Variants in ADAM12 observed in about 807,000 individuals in gnomAD.
ADAM12 encodes the protein ADAM metallopeptidase domain 12.
ADAM12 carries 70 observed loss-of-function variants against 106.4 expected under a neutral mutation model. The observed-to-expected ratio is 0.66, with a 90% CI of 0.54 to 0.80. ADAM12 has a LOEUF of 0.80. ADAM12 is among the 30% of genes least tolerant of loss of function. The probability of loss-of-function intolerance (pLI) is 0.00; values close to 1 mark genes in which losing one functional copy is unlikely to be tolerated. For missense variants in ADAM12, 1,010 were observed against 1,171.9 expected (o/e 0.86, Z 2.02); for synonymous variants, 420 against 433.5 (o/e 0.97, Z 0.39).
chr10:126,284,325 T>A, intron 2 of ADAM12, among the ~76,000 whole-genome samples: 1 of 92,098 alleles, frequency 1.1e-5, no homozygotes. Flanking sequence ...AGAGCAAGAC[T>A]CCATCTCAAA....
chr10:126,067,064 C>T (rs1954886370), intron 12 of ADAM12: 2 of 452,120 alleles, frequency 4.4e-6, no homozygotes, highest in Non-Finnish European at 8.2e-6. Context: ...GTAACATAGG[C>T]TGGCCGGCTG....
intron 3 of ADAM12, among the ~76,000 whole-genome samples, chr10:126,215,367 C>G (rs1337556038): frequency 6.6e-6 from 1 of 152,164 alleles, no homozygotes; most frequent in African/African-American, 2.4e-5. Context: ...CTCTGGCTGC[C>G]CTTCCATAAC....
intron 3 of ADAM12, among the ~76,000 whole-genome samples, chr10:126,211,084 G>A (rs1957892737): frequency 6.6e-6 from 1 of 152,108 alleles, no homozygotes; most frequent in Non-Finnish European, 1.5e-5. Context: ...TCTGTTTGGG[G>A]CTGTGGCATT....
chr10:126,264,368 C>T (rs1345372870), intron 3 of ADAM12, among the ~76,000 whole-genome samples: 1 of 152,162 alleles, frequency 6.6e-6, no homozygotes, highest in African/African-American at 2.4e-5. Context: ...GTGAAAATAA[C>T]TCTTTCTAAA....
chr10:126,035,073 CAGAACTACT>C (rs1779099649), intron 21 of ADAM12, among the ~76,000 whole-genome samples: 1 of 152,066 alleles, frequency 6.6e-6, no homozygotes, highest in Admixed American at 6.5e-5. Flanking sequence ...TGGTAACTGA[CAGAACTACT>C]AGACAGCAAC....
intron 3 of ADAM12, among the ~76,000 whole-genome samples, chr10:126,194,554 T>C (rs944369571): frequency 4.3e-4 from 66 of 152,328 alleles, no homozygotes; most frequent in African/African-American, 1.5e-3. Context: ...CCCAATAGTA[T>C]TTAAATGTAT....
intron 8 of ADAM12, among the ~76,000 whole-genome samples, chr10:126,104,597 A>T (rs996981040): frequency 6.6e-6 from 1 of 152,168 alleles, no homozygotes; most frequent in Admixed American, 6.5e-5. Flanking sequence ...TGGAAGATGC[A>T]AACTCCACGA....
At chr10:126,263,828 T>C (rs1009556833) in intron 3 of ADAM12, among the ~76,000 whole-genome samples, 2 of 152,198 alleles carry the variant, frequency 1.3e-5, no homozygotes, top group Non-Finnish European at 2.9e-5. Context: ...TAAAAAGAGA[T>C]TTATGTAATA....
At chr10:126,299,271 A>G (rs1960512162) in intron 2 of ADAM12, among the ~76,000 whole-genome samples, 1 of 152,256 alleles carries the variant, frequency 6.6e-6, no homozygotes, top group African/African-American at 2.4e-5. Context: ...AGGCCTCGGC[A>G]TGCCTGCCTG....
At chr10:126,373,910 G>T (rs568595566) in intron 1 of ADAM12, among the ~76,000 whole-genome samples, 1 of 152,324 alleles carries the variant, frequency 6.6e-6, no homozygotes, top group South Asian at 2.1e-4. Context: ...CATGAGTTCA[G>T]TAACAGGAGG....
intron 1 of ADAM12, among the ~76,000 whole-genome samples, chr10:126,363,309 A>T (rs1170286453): frequency 6.6e-6 from 1 of 152,208 alleles, no homozygotes; most frequent in African/African-American, 2.4e-5. Flanking sequence ...GGGCCAGATA[A>T]TTTTAAGAGA....
intron 4 of ADAM12, among the ~76,000 whole-genome samples, chr10:126,146,350 C>T (rs1486738257): frequency 6.6e-6 from 1 of 152,152 alleles, no homozygotes; most frequent in Admixed American, 6.5e-5. Flanking sequence ...GAAATTCAAT[C>T]CATTCTCAAT....
At chr10:126,172,049 T>A (rs779625480) in intron 3 of ADAM12, among the ~76,000 whole-genome samples, 1 of 152,230 alleles carries the variant, frequency 6.6e-6, no homozygotes, top group African/African-American at 2.4e-5. Flanking sequence ...TTTATAATGA[T>A]CAGCCTCAGT....
intron 3 of ADAM12, among the ~76,000 whole-genome samples, chr10:126,258,047 T>A (rs1439150764): frequency 6.6e-6 from 1 of 152,204 alleles, no homozygotes; most frequent in East Asian, 1.9e-4. Flanking sequence ...TGTGTCCCTA[T>A]ATTTATATTC....
chr10:126,335,148 T>G (rs1854654431), intron 1 of ADAM12, among the ~76,000 whole-genome samples: 1 of 152,172 alleles, frequency 6.6e-6, no homozygotes, highest in Non-Finnish European at 1.5e-5. Flanking sequence ...AAATCACAAC[T>G]CCATATTGAT....
At chr10:126,222,104 G>T (rs1418156891) in intron 3 of ADAM12, among the ~76,000 whole-genome samples, 1 of 152,176 alleles carries the variant, frequency 6.6e-6, no homozygotes, top group Non-Finnish European at 1.5e-5. Context: ...CGTGAACATA[G>T]GCATTACACG....
chr10:126,295,902 C>T (rs905483269), intron 2 of ADAM12, among the ~76,000 whole-genome samples: 1 of 103,644 alleles, frequency 9.6e-6, no homozygotes, highest in South Asian at 5.6e-4. Flanking sequence ...AACAGACACA[C>T]ACACACAAAC....
intron 4 of ADAM12, among the ~76,000 whole-genome samples, chr10:126,136,663 A>G (rs1956410918): frequency 6.6e-6 from 1 of 152,182 alleles, no homozygotes; most frequent in African/African-American, 2.4e-5. Flanking sequence ...TTTGCTAAGA[A>G]AAAGCACCAG....
At chr10:126,168,942 A>C (rs1395285852) in intron 3 of ADAM12, among the ~76,000 whole-genome samples, 1 of 152,022 alleles carries the variant, frequency 6.6e-6, no homozygotes, top group Non-Finnish European at 1.5e-5. Flanking sequence ...AATCCCAGCT[A>C]CTCAGGAAGC....
Sources: allele counts gnomAD v4.1 joint callset (sites outside exome capture counted in the v4.1 genomes callset), GRCh38; gene constraint gnomAD v4.1.1; transcripts MANE v1.5; gene names NCBI Gene and HGNC (gene_info 2026-07-23, HGNC 2026-07-21).